The following COL14A1 variants were observed in gnomAD, a reference collection of about 807,000 sequenced individuals.
The protein encoded by COL14A1 is collagen alpha-1(XIV) chain.
A neutral mutation model predicts 230.3 loss-of-function variants in COL14A1; 136 were observed. The ratio of observed to expected loss-of-function variants is 0.59; its 90% CI spans 0.51 to 0.68. COL14A1 has a LOEUF of 0.68. COL14A1 is among the 30% of genes least tolerant of loss of function. The pLI is 0.00. For missense variants in COL14A1, 1,976 were observed against 2,215.8 expected (o/e 0.89, Z 2.17); for synonymous variants, 792 against 784.1 (o/e 1.01, Z -0.17).
chr8:120,263,089 C>A, intron 24 of COL14A1, 75 bp downstream of exon 24: 1 of 1,442,262 alleles, frequency 6.9e-7, no homozygotes, highest in Non-Finnish European at 9.2e-7. Flanking sequence ...TTTCCTTATC[C>A]CATTTAGAAA....
In COL14A1 at chr8:120,243,866, C is replaced by CTTTTTTGTTCAGG. The variant is rs1818683026; in HGVS notation, c.2350-10_2352dup. ...GTCTCACTAAGACTGCAGTCCTTTGCTTTTTTGTTCAGGTTATGGTGCCTG... is the reference window on the plus strand; with the variant it reads ...GTCTCACTAAGACTGCAGTCCTTTGCTTTTTTGTTCAGGTTTTTTGTTCAGGTTATGGTGCCTG... On this transcript the variant is annotated splice_polypyrimidine_tract_variant and intron_variant, in intron 19 of 47. Transcript: ENST00000297848. 6.2e-7 allele frequency: 1 copy of CTTTTTTGTTCAGG among 1,611,668 alleles called. No homozygotes were observed. Among genetic ancestry groups the CTTTTTTGTTCAGG allele is most frequent in the Admixed American group, 1.7e-5 (1 of 59,896 alleles).
intron 34 of COL14A1, among the ~76,000 whole-genome samples, chr8:120,293,168 A>C (rs1331959370): frequency 1.3e-5 from 2 of 151,980 alleles, no homozygotes; most frequent in African/African-American, 4.8e-5. Context: ...TCTACCTTTC[A>C]AATCTAATAC....
intron 44 of COL14A1, among the ~76,000 whole-genome samples, chr8:120,343,403 A>G (rs1822382435): frequency 6.6e-6 from 1 of 152,222 alleles, no homozygotes; most frequent in Admixed American, 6.5e-5. Flanking sequence ...ATTTTAACTC[A>G]AGAAAGTTTG....
chr8:120,206,521 G>T (rs1190261622), intron 9 of COL14A1, among the ~76,000 whole-genome samples: 1 of 152,134 alleles, frequency 6.6e-6, no homozygotes, highest in African/African-American at 2.4e-5. Context: ...GCTAATTTTT[G>T]TATTTGTAGT....
intron 14 of COL14A1, 90 bp downstream of exon 14, chr8:120,216,580 T>C (rs941154977): frequency 7.8e-7 from 1 of 1,283,994 alleles, no homozygotes. Flanking sequence ...GCCTAGTGGC[T>C]TAAAATAATA....
At chr8:120,244,057 A>G (rs1818693671) in intron 20 of COL14A1, 49 bp downstream of exon 20, 1 of 1,591,722 alleles carries the variant, frequency 6.3e-7, no homozygotes, top group South Asian at 1.1e-5. Flanking sequence ...ATTAAATGGA[A>G]ATGCTTGTCC....
Position 120,226,749 on chromosome 8 carries a change from G to C in COL14A1, c.1987G>C (p.Gly663Arg), listed in dbSNP as rs748971305. The C allele has an allele frequency of 6.2e-7, 1 of 1,613,478 alleles. No individual in the cohort carries two copies. The highest frequency in any genetic ancestry group is 1.1e-5 in the South Asian group (1 of 90,964). ...LHKLMWIPVY[G>R]GKTEEVVLKE... ...CAAATTGATGTGGATTCCAGTCTAT[G>C]GGGGGAAGACTGAGGAGGTGAGTTT... is the stretch of plus-strand genomic sequence containing the variant. Residue 663 changes from glycine to arginine, a missense_variant, in exon 16 of 48, where the codon GGG (glycine) becomes CGG (arginine). Physicochemically the swap from Gly to Arg is moderately radical, Grantham distance 125 (BLOSUM62 -2). This residue lies in a region of COL14A1 where 1,791 missense variants were observed against 2,019.5 expected (regional missense o/e 0.89). Coordinates refer to ENST00000297848, the MANE Select transcript of COL14A1 (RefSeq NM_021110.4).
At chr8:120,152,469 C>CAAAAAAAAAAAAAAAAAA (rs397891260) in intron 2 of COL14A1, among the ~76,000 whole-genome samples, 1 of 59,598 alleles carries the variant, frequency 1.7e-5, no homozygotes, top group Non-Finnish European at 2.9e-5. Context: ...GATTCCATCT[C>CAAAAAAAAAAAAAAAAAA]AAAAAAAAAA....
chr8:120,206,444 G>A (rs758302797), intron 9 of COL14A1, among the ~76,000 whole-genome samples: 4 of 152,122 alleles, frequency 2.6e-5, no homozygotes, highest in African/African-American at 7.2e-5. Flanking sequence ...TCTGCCTCCC[G>A]GTTTAAGTGA....
intron 13 of COL14A1, 139 bp downstream of exon 13, chr8:120,212,716 G>A (rs1586770933): frequency 4.5e-6 from 4 of 887,202 alleles, no homozygotes; most frequent in East Asian, 2.8e-5. Flanking sequence ...TCTATTTAGG[G>A]CAAGGAAATG....
Position 120,279,971 on chromosome 8 carries a change from A to G in COL14A1, c.3518A>G (p.Asp1173Gly). The G allele has an allele frequency of 4.3e-5, 70 of 1,613,752 alleles. No individual in the cohort carries two copies. Among genetic ancestry groups the G allele is most frequent in the Non-Finnish European group, 5.9e-5 (70 of 1,179,832 alleles). Residue 1173 changes from aspartate to glycine, a missense_variant, in exon 29 of 48, where the codon GAT becomes GGT. Physicochemically the swap from Asp to Gly is moderately conservative, Grantham distance 94. Transcript: ENST00000297848. ...TTTGCAATTGGTGTGGCCGATGCAG[A>G]TTACTCGGAGTTGGTTAGCATTGGC... ...SIFAIGVADA[D>G]YSELVSIGSK...
At chr8:120,126,292 G>T (rs896591016) in intron 1 of COL14A1, among the ~76,000 whole-genome samples, 1 of 152,200 alleles carries the variant, frequency 6.6e-6, no homozygotes, top group Admixed American at 6.5e-5. Context: ...TCAGATCTTG[G>T]TGCTGGGTTC....
chr8:120,238,545 C>G (rs1281055193), intron 19 of COL14A1, among the ~76,000 whole-genome samples: 1 of 152,174 alleles, frequency 6.6e-6, no homozygotes, highest in Non-Finnish European at 1.5e-5. Flanking sequence ...TTGTTGGGCT[C>G]CGTGGGGGTT....
At chr8:120,179,227 T>C (rs1204748144) in intron 5 of COL14A1, among the ~76,000 whole-genome samples, 2 of 152,192 alleles carry the variant, frequency 1.3e-5, no homozygotes, top group African/African-American at 2.4e-5. Context: ...GGTATTCAAC[T>C]AGGAAAAGAG....
chr8:120,357,984 CG>C (rs1823044950), intron 45 of COL14A1, among the ~76,000 whole-genome samples: 1 of 151,912 alleles, frequency 6.6e-6, no homozygotes, highest in Non-Finnish European at 1.5e-5. Context: ...ACACAAAGAA[CG>C]AGAGAAAAAA....
intron 42 of COL14A1, among the ~76,000 whole-genome samples, chr8:120,338,701 G>A (rs1002858387): frequency 6.6e-6 from 1 of 152,174 alleles, no homozygotes; most frequent in African/African-American, 2.4e-5. Flanking sequence ...CAAGGACAGT[G>A]CTTGGAACAT....
At chr8:120,228,427 T>C (rs1261869960) in intron 17 of COL14A1, among the ~76,000 whole-genome samples, 1 of 152,200 alleles carries the variant, frequency 6.6e-6, no homozygotes, top group South Asian at 2.1e-4. Flanking sequence ...TTCAAAGTAA[T>C]TGGGTGGTTT....
At chr8:120,339,142 T>C (rs947922074) in intron 42 of COL14A1, among the ~76,000 whole-genome samples, 1 of 152,128 alleles carries the variant, frequency 6.6e-6, no homozygotes, top group African/African-American at 2.4e-5. Context: ...GCCCGGCTAA[T>C]TTTTGTATTT....
chr8:120,318,823 T>C (rs34559073), intron 40 of COL14A1, among the ~76,000 whole-genome samples: 3,147 of 152,244 alleles, frequency 0.021, 39 homozygotes, highest in Non-Finnish European at 0.029. Context: ...ACTGCTGAAA[T>C]GACTGAGAAG....
Sources: gnomAD v4.1 joint callset for allele counts (sites outside exome capture counted in the v4.1 genomes callset) on GRCh38, gnomAD v4.1.1 for gene constraint, gnomAD v4.1.1 regional missense constraint, MANE v1.5 for transcripts, NCBI Gene and HGNC (gene_info 2026-07-23, HGNC 2026-07-21) for gene names.